Variants in KCNU1 observed in about 807,000 individuals in gnomAD.
KCNU1 encodes potassium channel subfamily U member 1.
In KCNU1, 93 loss-of-function variants were observed where a neutral mutation model predicts 126.8. The ratio of observed to expected loss-of-function variants is 0.73; its 90% CI spans 0.62 to 0.87. The LOEUF (loss-of-function observed/expected upper bound fraction) is 0.87, where lower values mean the gene tolerates loss of function less well. Ranked by LOEUF, KCNU1 falls within the 40% of genes least tolerant of loss-of-function variation. The probability of loss-of-function intolerance (pLI) is 0.00; values close to 1 mark genes in which losing one functional copy is unlikely to be tolerated. For synonymous variants in KCNU1, 523 were observed against 494.2 expected, an observed-to-expected ratio of 1.06 and a Z score of -0.77; for missense variants, 1,330 against 1,367.1, an observed-to-expected ratio of 0.97 and a Z score of 0.43.
At chr8:36,785,282 G>T (rs1802674134) in intron 1 of KCNU1, among the ~76,000 whole-genome samples, 1 of 152,190 alleles carries the variant, frequency 6.6e-6, no homozygotes, top group African/African-American at 2.4e-5. Context: ...CAAATGCTGT[G>T]TAATGGATGT....
chr8:36,928,028 G>A (rs377125072), intron 24 of KCNU1, among the ~76,000 whole-genome samples: 1 of 139,828 alleles, frequency 7.2e-6, no homozygotes, highest in Admixed American at 7.2e-5. Context: ...AGGAGGGAGG[G>A]ACGGAGGGAG....
chr8:36,825,520 T>G (rs879560283), intron 10 of KCNU1, among the ~76,000 whole-genome samples: 1 of 152,326 alleles, frequency 6.6e-6, no homozygotes, highest in East Asian at 1.9e-4. Flanking sequence ...CTTCCTATTA[T>G]GATTTTCTTC....
intron 25 of KCNU1, among the ~76,000 whole-genome samples, chr8:36,931,397 A>C (rs182614877): frequency 2.2e-3 from 336 of 152,276 alleles, no homozygotes; most frequent in African/African-American, 7.3e-3. Context: ...CCCATCTTCT[A>C]GATAAATAAC....
In KCNU1 at chr8:36,921,343, C is replaced by G. The variant is rs534283460; in HGVS notation, c.2597-1147C>G. 9.2e-5 allele frequency among the ~76,000 whole-genome samples: 14 copies of G among 152,264 alleles called. No individual in the cohort carries two copies. In the South Asian group the frequency reaches 1.0e-3, roughly 11 times the overall value. On this transcript the variant is annotated intron_variant, in intron 23 of 26. Transcript: ENST00000399881. ...TCTTTTAAAACAGGCAGTAAGCATG[C>G]CTTCCCTTTGCTCCTATGGGAGACA...
chr8:36,932,800 T>C, intron 25 of KCNU1, 120 bp from the exon 26 acceptor site: 1 of 646,326 alleles, frequency 1.5e-6, no homozygotes, highest in South Asian at 1.9e-5. Flanking sequence ...ACCACAAAGA[T>C]ATTAGGAAAT....
chr8:36,919,240 A>C (rs1049732482), intron 23 of KCNU1, among the ~76,000 whole-genome samples: 64 of 152,188 alleles, frequency 4.2e-4, no homozygotes, highest in African/African-American at 1.4e-3. Context: ...AACCCATCAC[A>C]GGACTTCGGG....
At chr8:36,791,874 G>C (rs1554496675) in intron 2 of KCNU1, among the ~76,000 whole-genome samples, 1 of 151,920 alleles carries the variant, frequency 6.6e-6, no homozygotes, top group Non-Finnish European at 1.5e-5. Context: ...CTGTATCTTT[G>C]TTTTTTTCCA....
intron 20 of KCNU1, among the ~76,000 whole-genome samples, chr8:36,908,775 C>T (rs1218220896): frequency 6.6e-6 from 1 of 151,900 alleles, no homozygotes; most frequent in Non-Finnish European, 1.5e-5. Context: ...ATGAAATTGC[C>T]ATTGTTCAAC....
At chr8:36,924,078 C>T (rs1316490042) in intron 24 of KCNU1, among the ~76,000 whole-genome samples, 2 of 152,168 alleles carry the variant, frequency 1.3e-5, no homozygotes, top group African/African-American at 4.8e-5. Context: ...CTGCTTTCTA[C>T]AGAGTACACC....
chr8:36,825,416 T>A (rs1804281981), intron 10 of KCNU1, among the ~76,000 whole-genome samples: 1 of 152,180 alleles, frequency 6.6e-6, no homozygotes. Context: ...TGTTATAAAA[T>A]CTACCAACTT....
At chr8:36,882,867 G>C (rs1185327494) in intron 19 of KCNU1, among the ~76,000 whole-genome samples, 2 of 152,150 alleles carry the variant, frequency 1.3e-5, no homozygotes, top group Non-Finnish European at 2.9e-5. Context: ...ACAGGCGTGA[G>C]CCACCAGGCC....
At chr8:36,925,723 C>T (rs988664914) in intron 24 of KCNU1, among the ~76,000 whole-genome samples, 1 of 152,154 alleles carries the variant, frequency 6.6e-6, no homozygotes, top group African/African-American at 2.4e-5. Flanking sequence ...CACCTGGTCA[C>T]ATGGAAATAC....
chr8:36,842,833 T>C (rs1249392801), intron 16 of KCNU1, among the ~76,000 whole-genome samples: 1 of 151,920 alleles, frequency 6.6e-6, no homozygotes, highest in Admixed American at 6.6e-5. Context: ...CCACACCCGG[T>C]TAATTTTTGT....
chr8:36,814,399 T>C (rs748876869), intron 8 of KCNU1, 22 bp downstream of exon 8: 6 of 1,519,248 alleles, frequency 3.9e-6, no homozygotes, highest in Non-Finnish European at 4.5e-6. Flanking sequence ...TTTTAATATA[T>C]TTTGAATATA....
At chr8:36,914,943 T>C (rs534064178) in intron 22 of KCNU1, among the ~76,000 whole-genome samples, 6 of 152,294 alleles carry the variant, frequency 3.9e-5, no homozygotes, top group South Asian at 4.1e-4. Context: ...ATATTGACAT[T>C]AGTAAAATGT....
intron 20 of KCNU1, among the ~76,000 whole-genome samples, chr8:36,906,688 G>A (rs142137308): frequency 1.4e-3 from 207 of 152,184 alleles, no homozygotes; most frequent in African/African-American, 4.4e-3. Flanking sequence ...ATGCACAAAT[G>A]CATACATACA....
intron 24 of KCNU1, among the ~76,000 whole-genome samples, chr8:36,926,489 A>T (rs1427945689): frequency 6.6e-6 from 1 of 152,156 alleles, no homozygotes; most frequent in Admixed American, 6.5e-5. Flanking sequence ...CGCCTGCATA[A>T]GATTCAATTG....
chr8:36,910,961 C>A lies in KCNU1; in HGVS notation c.2363C>A (p.Ala788Glu), dbSNP rs764321461. The part of the protein sequence containing the change: ...GCALYSGDLH[A>E]ANIEQCSMCA... Reference sequence around the variant, plus strand: ...GCACTTTATTCTGGAGACCTCCATGCGGCCAACATAGAGCAATGCTCCATG... The same window carrying A: ...GCACTTTATTCTGGAGACCTCCATGAGGCCAACATAGAGCAATGCTCCATG... Residue 788 changes from alanine (A) to glutamate (E), a missense_variant, in exon 22 of 27, where the codon GCG (alanine) becomes GAG (glutamate). Ala to Glu is a moderately radical substitution (Grantham distance 107). This residue lies in a region of KCNU1 where 1,054 missense variants were observed against 1,053.9 expected (regional missense o/e 1.00). Coordinates refer to ENST00000399881, the MANE Select transcript of KCNU1 (RefSeq NM_001031836.3). 5.6e-6 allele frequency: 9 copies of A among 1,612,524 alleles called. No individual in the cohort carries two copies. The highest frequency in any genetic ancestry group is 5.9e-6 in the Non-Finnish European group (7 of 1,179,078).
At chr8:36,802,489 T>C (rs1439513725) in intron 2 of KCNU1, among the ~76,000 whole-genome samples, 2 of 152,188 alleles carry the variant, frequency 1.3e-5, no homozygotes, top group African/African-American at 4.8e-5. Context: ...CAGTGTTTGT[T>C]GGAACAAAGA....
Sources: gnomAD v4.1 joint callset for allele counts (sites outside exome capture counted in the v4.1 genomes callset) on GRCh38, gnomAD v4.1.1 for gene constraint, gnomAD v4.1.1 regional missense constraint, MANE v1.5 for transcripts, NCBI Gene and HGNC (gene_info 2026-07-23, HGNC 2026-07-21) for gene names.